CTDSPL: variants seen among roughly 807,000 people sequenced by gnomAD.
CTDSPL encodes CTD small phosphatase like.
In CTDSPL, 8 loss-of-function variants were observed where a neutral mutation model predicts 30.5. The observed-to-expected ratio is 0.26, with a 90% CI of 0.15 to 0.47. The LOEUF is 0.47. Among genes scored for constraint, CTDSPL ranks in the 20% least tolerant of loss-of-function variants. The pLI, the probability that CTDSPL is intolerant of heterozygous loss-of-function variation, is 0.99. For missense variants in CTDSPL, 248 were observed against 366.1 expected (o/e 0.68, Z 2.63); for synonymous variants, 110 against 137.9 (o/e 0.80, Z 1.42).
chr3:37,899,055 TG>T (rs1296818273), intron 1 of CTDSPL, among the ~76,000 whole-genome samples: 1 of 152,158 alleles, frequency 6.6e-6, no homozygotes, highest in Non-Finnish European at 1.5e-5. Flanking sequence ...AGGTCATATA[TG>T]GAGAGCCATA....
At chr3:37,908,553 C>A (rs1698544074) in intron 1 of CTDSPL, among the ~76,000 whole-genome samples, 1 of 152,128 alleles carries the variant, frequency 6.6e-6, no homozygotes, top group African/African-American at 2.4e-5. Flanking sequence ...ATTTAGGCTG[C>A]TTTCTGCTTA....
intron 5 of CTDSPL, among the ~76,000 whole-genome samples, chr3:37,969,695 G>A (rs1699344408): frequency 6.6e-6 from 1 of 152,174 alleles, no homozygotes; most frequent in African/African-American, 2.4e-5. Flanking sequence ...GCAGCCACAG[G>A]CCCTGCCCTC....
At chr3:37,956,021 C>G (rs781095157) in intron 2 of CTDSPL, among the ~76,000 whole-genome samples, 9 of 152,132 alleles carry the variant, frequency 5.9e-5, no homozygotes, top group Non-Finnish European at 1.2e-4. Flanking sequence ...CAGCATAGCT[C>G]TGCCTTGAGT....
chr3:37,927,609 G>A (rs949632021), intron 1 of CTDSPL, among the ~76,000 whole-genome samples: 1 of 140,196 alleles, frequency 7.1e-6, no homozygotes, highest in Non-Finnish European at 1.5e-5. Context: ...GTCTTTTTTT[G>A]TTTAATTGTG....
chr3:37,953,757 G>A (rs1190030900), intron 2 of CTDSPL, among the ~76,000 whole-genome samples: 2 of 152,152 alleles, frequency 1.3e-5, no homozygotes, highest in Non-Finnish European at 2.9e-5. Flanking sequence ...CAACAATGCT[G>A]CCAAAGAAGA....
rs969411548 is a variant in CTDSPL, at chr3:37,919,818, A to G, written c.80-27239A>G. Reference sequence around the variant, plus strand: ...TGCTTCGCTGGGCCCTGGGGGAAACAGAGAAGAAAGTTGAGTTTGCCTGAG... The same window carrying G: ...TGCTTCGCTGGGCCCTGGGGGAAACGGAGAAGAAAGTTGAGTTTGCCTGAG... On this transcript the variant is annotated intron_variant, in intron 1 of 7. Transcript: ENST00000273179. Among the ~76,000 whole-genome samples the G allele has an allele frequency of 3.9e-5, 6 of 152,312 alleles. No homozygotes were observed. The South Asian group carries it at 1.2e-3, about 32-fold the overall frequency.
Position 37,975,604 on chromosome 3 carries a change from A to G in CTDSPL, c.520-105A>G. ...CCAGGATCCTAAGACACATCTAATTATTAAATCCATTTTTAAAAAACGTAA... is the reference window on the plus strand; with the variant it reads ...CCAGGATCCTAAGACACATCTAATTGTTAAATCCATTTTTAAAAAACGTAA... On this transcript the variant is annotated intron_variant, in intron 6 of 7. Transcript: ENST00000273179. This position sits in a 1 kb window ranked among gnomAD's most constrained non-coding sequence, Gnocchi z 4.9. 5 of 995,648 alleles carry G rather than the reference A, an allele frequency of 5.0e-6. No individual in the cohort carries two copies. In the South Asian group the frequency reaches 5.2e-5, roughly 10 times the overall value. 61.7% of individuals were successfully genotyped at this position (995,648 alleles called of 1,614,324 possible). A position where few individuals can be genotyped will look rare whatever the true frequency, so the allele number is the denominator to read the frequency against.
rs1575322003 is a variant in CTDSPL, at chr3:37,967,748, C to A, written c.370-78C>A. On this transcript the variant is annotated intron_variant, in intron 4 of 7. Coordinates refer to ENST00000273179, the MANE Select transcript of CTDSPL (RefSeq NM_001008392.2). ...CCAATAACCAAAACATTGGTCTAGG[C>A]AGGCTTTTTTCTTGCTAAAATTTCC... 20 of 1,016,598 alleles carry A rather than the reference C, an allele frequency of 2.0e-5. 1 individual carries two copies. In the East Asian group the frequency reaches 4.7e-4, roughly 24 times the overall value. The allele number at this position is 1,016,598 out of a possible 1,614,324, so 63.0% of individuals were successfully genotyped here. A position where few individuals can be genotyped will look rare whatever the true frequency, so the allele number is the denominator to read the frequency against.
intron 1 of CTDSPL, among the ~76,000 whole-genome samples, chr3:37,945,246 CA>C (rs1699022626): frequency 6.7e-6 from 1 of 150,228 alleles, no homozygotes; most frequent in Admixed American, 6.7e-5. Flanking sequence ...AAGTTTATTG[CA>C]ATGCTTTTCT....
At chr3:37,960,218 C>T (rs1443002047) in intron 3 of CTDSPL, among the ~76,000 whole-genome samples, 1 of 151,512 alleles carries the variant, frequency 6.6e-6, no homozygotes, top group Non-Finnish European at 1.5e-5. Context: ...TGGTAGCTCA[C>T]GCCTGGAATC....
intron 2 of CTDSPL, among the ~76,000 whole-genome samples, chr3:37,952,150 C>G (rs920311996): frequency 6.6e-6 from 1 of 151,672 alleles, no homozygotes; most frequent in Admixed American, 6.6e-5. Flanking sequence ...GCCCTCCAGC[C>G]TGGGTGCTAG....
intron 1 of CTDSPL, among the ~76,000 whole-genome samples, chr3:37,935,763 G>GGCA (rs757081968): frequency 2.6e-5 from 4 of 152,116 alleles, no homozygotes; most frequent in Non-Finnish European, 5.9e-5. Flanking sequence ...AGTGAAGGCA[G>GGCA]GCAGCATTGG....
chr3:37,874,735 T>A (rs896354132), intron 1 of CTDSPL, among the ~76,000 whole-genome samples: 57 of 151,190 alleles, frequency 3.8e-4, no homozygotes, highest in Admixed American at 1.4e-3. Context: ...TCTCAAAAAA[T>A]AATAATAATA....
intron 1 of CTDSPL, among the ~76,000 whole-genome samples, chr3:37,876,433 C>T (rs563542378): frequency 8.3e-4 from 126 of 152,278 alleles, no homozygotes; most frequent in African/African-American, 3.0e-3. Flanking sequence ...CTCCCACCAG[C>T]AATGTATGAT....
intron 1 of CTDSPL, among the ~76,000 whole-genome samples, chr3:37,940,249 G>A (rs932035180): frequency 6.6e-6 from 1 of 150,430 alleles, no homozygotes; most frequent in African/African-American, 2.4e-5. Context: ...TGCTAGATGT[G>A]GGCTTCATGA....
chr3:37,946,150 G>T (rs985157681), intron 1 of CTDSPL, among the ~76,000 whole-genome samples: 28 of 152,362 alleles, frequency 1.8e-4, no homozygotes, highest in African/African-American at 6.7e-4. Flanking sequence ...AGTCCCGGCT[G>T]CATTCCCAGG....
intron 1 of CTDSPL, among the ~76,000 whole-genome samples, chr3:37,881,034 AAAAG>A (rs1335837877): frequency 1.1e-4 from 16 of 151,838 alleles, no homozygotes; most frequent in Non-Finnish European, 1.8e-4. Context: ...AAAAAAAAAA[AAAAG>A]AAAGAAAGAA....
chr3:37,877,090 A>G (rs1260715942), intron 1 of CTDSPL, among the ~76,000 whole-genome samples: 4 of 149,124 alleles, frequency 2.7e-5, no homozygotes, highest in Admixed American at 6.7e-5. Context: ...TGGGTGACAC[A>G]GTGAGACTCT....
chr3:37,919,205 A>G (rs947842560), intron 1 of CTDSPL, among the ~76,000 whole-genome samples: 1 of 152,212 alleles, frequency 6.6e-6, no homozygotes, highest in Non-Finnish European at 1.5e-5. Context: ...GATATTTTAA[A>G]GTTTGGAAAC....
Sources: gnomAD v4.1 joint callset for allele counts (sites outside exome capture counted in the v4.1 genomes callset) on GRCh38, gnomAD v4.1.1 for gene constraint, Gnocchi (gnomAD v3.1) non-coding constraint, MANE v1.5 for transcripts, NCBI Gene and HGNC (gene_info 2026-07-23, HGNC 2026-07-21) for gene names.